PDZRN4: variants seen among roughly 807,000 people sequenced by gnomAD.
The protein encoded by PDZRN4 is PDZ domain containing ring finger 4.
PDZRN4 carries 70 observed loss-of-function variants against 99.0 expected under a neutral mutation model. That is an observed-to-expected ratio of 0.71 (90% CI 0.58 to 0.86). PDZRN4 has a LOEUF of 0.86. PDZRN4 is among the 40% of genes least tolerant of loss of function. The pLI, the probability that PDZRN4 is intolerant of heterozygous loss-of-function variation, is 0.00. For synonymous variants in PDZRN4, 551 were observed against 501.6 expected (o/e 1.10, Z -1.32); for missense variants, 1,474 against 1,331.2 (o/e 1.11, Z -1.67).
At position 41,564,789 on chromosome 12, in the gene PDZRN4, A is replaced by T. The variant is rs534492885; in HGVS notation, c.1467+1140A>T. ...TGAATTTTTAAATACATATGAAATT[A>T]TACCAATTATCTGGAAATTTCTCAA... On this transcript the variant is annotated intron_variant, in intron 8 of 9. Transcript: ENST00000402685. 6.6e-5 allele frequency among the ~76,000 whole-genome samples: 10 copies of T among 152,298 alleles called. No homozygotes were observed. The East Asian group carries it at 1.7e-3, about 26-fold the overall frequency.
chr12:41,396,297 C>T (rs1349072704), intron 3 of PDZRN4, among the ~76,000 whole-genome samples: 1 of 152,148 alleles, frequency 6.6e-6, no homozygotes, highest in African/African-American at 2.4e-5. Context: ...CTATCAAAGA[C>T]CATAAGACAG....
Position 41,515,998 on chromosome 12 carries a change from A to G in PDZRN4, c.1203+6085A>G, listed in dbSNP as rs984951627. The stretch of plus-strand genomic sequence containing the variant: ...TCCACAGCACAACAATACTCAGAGG[A>G]AGCTGTGTGCTTTCCTTTCTTTGTG... On this transcript the variant is annotated intron_variant, in intron 5 of 9. Coordinates refer to ENST00000402685, the MANE Select transcript of PDZRN4 (RefSeq NM_001164595.2). Among the ~76,000 whole-genome samples, 170 of 151,948 alleles carry G rather than the reference A, an allele frequency of 1.1e-3. 3 individuals carry two copies. The highest frequency in any genetic ancestry group is 0.011 in the Admixed American group (170 of 15,240).
chr12:41,472,789 T>G (rs760761230), intron 3 of PDZRN4, among the ~76,000 whole-genome samples: 35 of 152,314 alleles, frequency 2.3e-4, no homozygotes, highest in Non-Finnish European at 4.9e-4. Context: ...TGGCATAGAA[T>G]AGCTAAATAA....
chr12:41,533,298 C>T (rs1392216001), intron 5 of PDZRN4, among the ~76,000 whole-genome samples: 3 of 152,048 alleles, frequency 2.0e-5, no homozygotes, highest in African/African-American at 7.2e-5. Flanking sequence ...CCTCAGCCTC[C>T]TGAGTAGCTG....
rs537431722 is a variant in PDZRN4 at position 41,207,714 on chromosome 12, A to G, written c.843+13526A>G. On this transcript the variant is annotated intron_variant, in intron 3 of 9. Transcript: ENST00000402685. The stretch of plus-strand genomic sequence containing the variant: ...CACCAGGCAAATGGCTATGTGTAAC[A>G]AACACATTGGTGCAATTAAAGGATT... Among the ~76,000 whole-genome samples the G allele has an allele frequency of 2.0e-5, 3 of 151,974 alleles. No homozygotes were observed. The South Asian group carries it at 6.2e-4, about 31-fold the overall frequency.
At chr12:41,537,223 G>A (rs1346717095) in intron 5 of PDZRN4, among the ~76,000 whole-genome samples, 2 of 152,150 alleles carry the variant, frequency 1.3e-5, no homozygotes, top group African/African-American at 4.8e-5. Flanking sequence ...CTCAGAGGGT[G>A]GAAAAGCACT....
chr12:41,372,590 A>T (rs1299720562), intron 3 of PDZRN4, among the ~76,000 whole-genome samples: 1 of 152,198 alleles, frequency 6.6e-6, no homozygotes, highest in African/African-American at 2.4e-5. Context: ...CCAGAGGTAT[A>T]AACTTAGTTC....
At chr12:41,394,418 C>T (rs1952231853) in intron 3 of PDZRN4, among the ~76,000 whole-genome samples, 1 of 152,144 alleles carries the variant, frequency 6.6e-6, no homozygotes, top group Non-Finnish European at 1.5e-5. Flanking sequence ...GCAGAATCTA[C>T]AAAATATACC....
At chr12:41,500,889 G>A (rs1938097066) in intron 3 of PDZRN4, among the ~76,000 whole-genome samples, 1 of 152,034 alleles carries the variant, frequency 6.6e-6, no homozygotes, top group African/African-American at 2.4e-5. Context: ...TCTTCCTTCT[G>A]TAAAATGTTA....
At chr12:41,289,718 G>A (rs1396625798) in intron 3 of PDZRN4, among the ~76,000 whole-genome samples, 2 of 152,180 alleles carry the variant, frequency 1.3e-5, no homozygotes, top group East Asian at 3.9e-4. Context: ...GGTCCTCTGA[G>A]CTGGCCCCAC....
At chr12:41,346,411 G>A (rs919563196) in intron 3 of PDZRN4, among the ~76,000 whole-genome samples, 3 of 152,090 alleles carry the variant, frequency 2.0e-5, no homozygotes, top group African/African-American at 7.2e-5. Context: ...GCAGTGAGCC[G>A]AGATAGCGCC....
At chr12:41,499,106 G>A (rs1241584400) in intron 3 of PDZRN4, among the ~76,000 whole-genome samples, 1 of 152,084 alleles carries the variant, frequency 6.6e-6, no homozygotes, top group African/African-American at 2.4e-5. Context: ...TGTAGACCTG[G>A]AGAGTGAAGG....
intron 3 of PDZRN4, among the ~76,000 whole-genome samples, chr12:41,281,128 C>G: frequency 6.7e-6 from 1 of 148,710 alleles, no homozygotes; most frequent in East Asian, 2.0e-4. Flanking sequence ...AAGGGCCTGA[C>G]TGTTAGAAGG....
At chr12:41,557,557 T>A (rs570861184) in intron 7 of PDZRN4, among the ~76,000 whole-genome samples, 1 of 152,180 alleles carries the variant, frequency 6.6e-6, no homozygotes, top group Non-Finnish European at 1.5e-5. Flanking sequence ...ACACTCTGCC[T>A]GCGTGGCCTG....
At chr12:41,347,108 G>A (rs10735991) in intron 3 of PDZRN4, among the ~76,000 whole-genome samples, 58,484 of 151,850 alleles carry the variant, frequency 0.39, 11,354 homozygotes, top group African/African-American at 0.41. Context: ...TGCTGTGAAC[G>A]TTCATGTATG....
chr12:41,233,578 C>T (rs1256459030), intron 3 of PDZRN4, among the ~76,000 whole-genome samples: 1 of 152,052 alleles, frequency 6.6e-6, no homozygotes, highest in Non-Finnish European at 1.5e-5. Context: ...GAAAATGTGG[C>T]ACATATGCAC....
intron 3 of PDZRN4, among the ~76,000 whole-genome samples, chr12:41,368,615 C>T (rs949259623): frequency 6.6e-6 from 1 of 152,098 alleles, no homozygotes; most frequent in African/African-American, 2.4e-5. Context: ...GTCTAGTCTT[C>T]CCCGTTTTCT....
intron 3 of PDZRN4, among the ~76,000 whole-genome samples, chr12:41,234,077 A>G (rs1456058130): frequency 6.6e-6 from 1 of 152,056 alleles, no homozygotes; most frequent in Non-Finnish European, 1.5e-5. Context: ...CTCCTTGATT[A>G]ATAGAAACCT....
chr12:41,513,837 A>G (rs1938349795), intron 5 of PDZRN4, among the ~76,000 whole-genome samples: 1 of 152,102 alleles, frequency 6.6e-6, no homozygotes, highest in Non-Finnish European at 1.5e-5. Context: ...TATCTACAGC[A>G]TTTGCTGTTA....
Sources: allele counts gnomAD v4.1 joint callset (sites outside exome capture counted in the v4.1 genomes callset), GRCh38; gene constraint gnomAD v4.1.1; transcripts MANE v1.5; gene names NCBI Gene and HGNC (gene_info 2026-07-23, HGNC 2026-07-21).